The following NCOA7 variants were observed in gnomAD, a reference collection of about 807,000 sequenced individuals.
The protein encoded by NCOA7 is nuclear receptor coactivator 7.
In NCOA7, 45 loss-of-function variants were observed where a neutral mutation model predicts 104.3. That is an observed-to-expected ratio of 0.43 (90% CI 0.34 to 0.55). The LOEUF is 0.55. Among genes scored for constraint, NCOA7 ranks in the 20% least tolerant of loss-of-function variants. The pLI is 0.02. For missense variants in NCOA7, 1,041 were observed against 1,119.7 expected, an observed-to-expected ratio of 0.93 and a Z score of 1.00; for synonymous variants, 398 against 402.3, an observed-to-expected ratio of 0.99 and a Z score of 0.13.
chr6:125,809,370 A>G (rs1321473747), intron 1 of NCOA7, among the ~76,000 whole-genome samples: 1 of 151,980 alleles, frequency 6.6e-6, no homozygotes, highest in African/African-American at 2.4e-5. Context: ...TTTAGTAGAG[A>G]TGGAGTTTTG....
intron 2 of NCOA7, among the ~76,000 whole-genome samples, chr6:125,825,706 A>G (rs1019544044): frequency 4.6e-5 from 7 of 152,200 alleles, no homozygotes; most frequent in Non-Finnish European, 8.8e-5. Flanking sequence ...GGGACTGAGC[A>G]ATTTCCATTT....
chr6:125,928,142 G>A lies in NCOA7; in HGVS notation c.2620-32G>A, dbSNP rs758401144. 7.7e-6 allele frequency: 12 copies of A among 1,556,396 alleles called. No homozygotes were observed. The East Asian group carries it at 2.5e-4, about 32-fold the overall frequency. On this transcript the variant is annotated intron_variant, in intron 14 of 15. Transcript: ENST00000392477. The stretch of plus-strand genomic sequence containing the variant: ...CATTGCTAATTCTCCAGATTAAAAT[G>A]TCTGTTTTCTTTTTTGTGTTTCTTC...
rs143120062 is a variant in NCOA7 at position 125,834,367 on chromosome 6, A to G, written c.50+18963A>G. Among the ~76,000 whole-genome samples the G allele has an allele frequency of 7.9e-5, 12 of 152,344 alleles. No homozygotes were observed. The East Asian group carries it at 1.7e-3, about 22-fold the overall frequency. ...TTAAAAAAACGGAAGATTTTTGTTCATCAGATAATCCCCATATGATCTAGA... is the reference window on the plus strand; with the variant it reads ...TTAAAAAAACGGAAGATTTTTGTTCGTCAGATAATCCCCATATGATCTAGA... On this transcript the variant is annotated intron_variant, in intron 2 of 15. Transcript: ENST00000392477.
chr6:125,894,987 T>C (rs1370907477), intron 10 of NCOA7, among the ~76,000 whole-genome samples: 2 of 152,176 alleles, frequency 1.3e-5, no homozygotes, highest in Non-Finnish European at 2.9e-5. Context: ...CTTAACACTT[T>C]GTAGAGATAT....
upstream of NCOA7, among the ~76,000 whole-genome samples, chr6:125,786,578 T>C (rs1672144559): frequency 6.8e-6 from 1 of 147,888 alleles, no homozygotes; most frequent in Non-Finnish European, 1.5e-5. Context: ...ATTGTCTTTT[T>C]TTTTTTTTTT....
chr6:125,917,182 G>A (rs1224305871), intron 11 of NCOA7, among the ~76,000 whole-genome samples: 1 of 146,166 alleles, frequency 6.8e-6, no homozygotes, highest in Non-Finnish European at 1.5e-5. Context: ...CAGTAGGTCT[G>A]GAGGGAGGAA....
chr6:125,928,182 G>A lies in NCOA7; in HGVS notation c.2628G>A (p.Lys876=). Residue 876 remains lysine, a synonymous_variant, in exon 15 of 16, where the codon AAG becomes AAA. Coordinates refer to ENST00000392477, the MANE Select transcript of NCOA7 (RefSeq NM_181782.5). ...TGTGTTTCTTCCCCAAGGTCTTTAAGTGGAGTGGAGAAAATTCATACTTTA... is the reference window on the plus strand; with the variant it reads ...TGTGTTTCTTCCCCAAGGTCTTTAAATGGAGTGGAGAAAATTCATACTTTA... The part of the protein sequence containing the change: ...YTFSPHFKVF[K]WSGENSYFIN... 1.2e-6 allele frequency: 2 copies of A among 1,612,612 alleles called. No individual in the cohort carries two copies. The highest frequency in any genetic ancestry group is 2.2e-5 in the East Asian group (1 of 44,870).
intron 2 of NCOA7, among the ~76,000 whole-genome samples, chr6:125,840,091 A>T (rs933118286): frequency 5.3e-5 from 8 of 152,028 alleles, no homozygotes; most frequent in African/African-American, 1.9e-4. Flanking sequence ...TTCCAGTGGG[A>T]CAGGATGTGG....
In NCOA7 at chr6:125,889,733, TTAG is replaced by T; in HGVS notation, c.1684_1686del (p.Ser563del). 4 of 1,613,242 alleles carry T rather than the reference TTAG, an allele frequency of 2.5e-6. No individual in the cohort carries two copies. Among genetic ancestry groups the T allele is most frequent in the Non-Finnish European group, 3.4e-6 (4 of 1,179,702 alleles). ...GAACCAGGGGGAATAGACATTACCCTTAGTAGTTCTCTTTCCCAGGCGGGTGAT... is the reference window on the plus strand; with the variant it reads ...GAACCAGGGGGAATAGACATTACCCTTAGTTCTCTTTCCCAGGCGGGTGAT... On this transcript the variant is annotated inframe_deletion, in exon 9 of 16. Transcript: ENST00000392477.
intron 3 of NCOA7, among the ~76,000 whole-genome samples, chr6:125,866,075 A>C (rs1782418882): frequency 7.3e-6 from 1 of 137,028 alleles, no homozygotes; most frequent in Non-Finnish European, 1.5e-5. Context: ...CACACCTGTA[A>C]TCCCAGCACT....
chr6:125,921,296 G>A (rs1199445943), intron 12 of NCOA7, among the ~76,000 whole-genome samples: 1 of 152,134 alleles, frequency 6.6e-6, no homozygotes, highest in African/African-American at 2.4e-5. Context: ...TCTAATCCCA[G>A]CTACTCAGGA....
intron 10 of NCOA7, among the ~76,000 whole-genome samples, chr6:125,911,974 G>A (rs542945430): frequency 1.1e-4 from 17 of 152,310 alleles, no homozygotes; most frequent in African/African-American, 3.8e-4. Context: ...GAGGCATGCC[G>A]TTGCTGAAAC....
rs144249321 is a variant in NCOA7 at position 125,849,717 on chromosome 6, T to A, written c.51-5303T>A. Among the ~76,000 whole-genome samples the A allele has an allele frequency of 1.3e-5, 2 of 152,214 alleles. 1 individual carries two copies. The highest frequency in any genetic ancestry group is 4.8e-5 in the African/African-American group (2 of 41,460). On this transcript the variant is annotated intron_variant, in intron 2 of 15. Coordinates refer to ENST00000392477, the MANE Select transcript of NCOA7 (RefSeq NM_181782.5). ...GGAAAGATAGGATTAGAAGATAGAA[T>A]TGACAAGTCTTGACTACAATTTAAA... is the stretch of plus-strand genomic sequence containing the variant.
chr6:125,919,089 C>G, intron 11 of NCOA7: 1 of 538,502 alleles, frequency 1.9e-6, no homozygotes. Flanking sequence ...TGTTGGGAAA[C>G]CACCGTTTCA....
intron 3 of NCOA7, among the ~76,000 whole-genome samples, chr6:125,860,973 A>C (rs996062422): frequency 1.3e-5 from 2 of 152,246 alleles, no homozygotes; most frequent in African/African-American, 4.8e-5. Flanking sequence ...GTCTTATAAC[A>C]AACATAAAAG....
At chr6:125,783,482 C>A (rs1251624818) in intron 1 of NCOA7, among the ~76,000 whole-genome samples, 1 of 152,174 alleles carries the variant, frequency 6.6e-6, no homozygotes, top group Non-Finnish European at 1.5e-5. Context: ...CCTCTCCTCC[C>A]TCTTTGTATT....
At chr6:125,903,452 T>C (rs1047230631) in intron 10 of NCOA7, among the ~76,000 whole-genome samples, 1 of 152,160 alleles carries the variant, frequency 6.6e-6, no homozygotes, top group Non-Finnish European at 1.5e-5. Flanking sequence ...CACAGATTTG[T>C]CCATGTCTCT....
intron 2 of NCOA7, among the ~76,000 whole-genome samples, chr6:125,839,477 G>A (rs193221068): frequency 2.6e-5 from 4 of 151,312 alleles, no homozygotes; most frequent in East Asian, 3.9e-4. Flanking sequence ...GTGGACTGTC[G>A]GGTGGGGCTG....
intron 3 of NCOA7, among the ~76,000 whole-genome samples, chr6:125,870,331 C>T (rs1042737601): frequency 1.3e-5 from 2 of 152,212 alleles, no homozygotes; most frequent in East Asian, 3.9e-4. Flanking sequence ...ACTTTCAAAA[C>T]CTCTCTGTGA....
Sources: allele counts gnomAD v4.1 joint callset (sites outside exome capture counted in the v4.1 genomes callset), GRCh38; gene constraint gnomAD v4.1.1; transcripts MANE v1.5; gene names NCBI Gene and HGNC (gene_info 2026-07-23, HGNC 2026-07-21).